HDAC9: variants seen among roughly 807,000 people sequenced by gnomAD.
HDAC9 encodes histone deacetylase 9.
Under a neutral mutation model 139.4 loss-of-function variants are expected in HDAC9, and 41 were observed. The ratio of observed to expected loss-of-function variants is 0.29; its 90% CI spans 0.23 to 0.38. The LOEUF is 0.38. HDAC9 is among the 10% of genes least tolerant of loss of function. The pLI is 1.00. For missense variants in HDAC9, 1,147 were observed against 1,297.0 expected, an observed-to-expected ratio of 0.88 and a Z score of 1.78; for synonymous variants, 517 against 476.2, an observed-to-expected ratio of 1.09 and a Z score of -1.12.
At chr7:18,620,921 A>G (rs1051436822) in intron 6 of HDAC9, among the ~76,000 whole-genome samples, 1 of 152,190 alleles carries the variant, frequency 6.6e-6, no homozygotes. Flanking sequence ...TTACATTGAT[A>G]GAAGGAAATA....
chr7:18,888,337 A>G (rs1290284613), intron 22 of HDAC9, among the ~76,000 whole-genome samples: 1 of 152,190 alleles, frequency 6.6e-6, no homozygotes, highest in Non-Finnish European at 1.5e-5. Context: ...AGGCAGGAAA[A>G]TGGCGTGAAC....
chr7:18,669,459 A>G (rs1795531766), intron 12 of HDAC9, among the ~76,000 whole-genome samples: 1 of 151,870 alleles, frequency 6.6e-6, no homozygotes, highest in Non-Finnish European at 1.5e-5. Context: ...ACTCTGCCGT[A>G]TTCTAAGTCA....
chr7:18,701,670 T>G (rs186903916), intron 12 of HDAC9, among the ~76,000 whole-genome samples: 1 of 152,328 alleles, frequency 6.6e-6, no homozygotes, highest in East Asian at 1.9e-4. Context: ...ATACAGAACT[T>G]TGAATAATTA....
chr7:18,685,028 T>A (rs1391893816), intron 12 of HDAC9, among the ~76,000 whole-genome samples: 1 of 152,044 alleles, frequency 6.6e-6, no homozygotes, highest in Admixed American at 6.6e-5. Context: ...CCTCCCACTT[T>A]TTTGTTGTTA....
intron 12 of HDAC9, chr7:18,668,165 T>A (rs1795345788): frequency 4.7e-6 from 4 of 850,818 alleles, no homozygotes; most frequent in Admixed American, 6.2e-5. Flanking sequence ...TTAAAAAGTC[T>A]CCATTCAAAT....
intron 2 of HDAC9, among the ~76,000 whole-genome samples, chr7:18,247,803 A>G (rs1171404059): frequency 2.0e-5 from 3 of 152,216 alleles, no homozygotes; most frequent in Non-Finnish European, 4.4e-5. Flanking sequence ...TGAGCAAGAT[A>G]AGGAGAGAAA....
At chr7:18,116,516 G>T (rs1417838035) in intron 1 of HDAC9, among the ~76,000 whole-genome samples, 2 of 152,068 alleles carry the variant, frequency 1.3e-5, no homozygotes, top group Admixed American at 6.5e-5. Flanking sequence ...ACAGCTATAT[G>T]AAATTATAGT....
At chr7:18,325,773 T>C (rs1800401538) in intron 1 of HDAC9, among the ~76,000 whole-genome samples, 1 of 152,142 alleles carries the variant, frequency 6.6e-6, no homozygotes, top group Admixed American at 6.6e-5. Context: ...TAATATCATG[T>C]TTTTAAAGTA....
intron 2 of HDAC9, among the ~76,000 whole-genome samples, chr7:18,504,349 A>T (rs1184732211): frequency 6.6e-6 from 1 of 152,174 alleles, no homozygotes; most frequent in African/African-American, 2.4e-5. Context: ...TCTGTCATCC[A>T]GGCAGGAGTG....
intron 24 of HDAC9, among the ~76,000 whole-genome samples, chr7:18,963,832 C>T (rs756368791): frequency 2.0e-5 from 3 of 152,180 alleles, no homozygotes; most frequent in Non-Finnish European, 2.9e-5. Flanking sequence ...TGTTGACTTG[C>T]ACACCTAAGG....
intron 2 of HDAC9, among the ~76,000 whole-genome samples, chr7:18,280,607 CAAAA>C (rs1318612933): frequency 2.1e-5 from 3 of 144,418 alleles, no homozygotes; most frequent in Non-Finnish European, 3.1e-5. Flanking sequence ...AAACAAAAAA[CAAAA>C]AAAATAGCTG....
intron 17 of HDAC9, among the ~76,000 whole-genome samples, chr7:18,813,883 G>T (rs1379812905): frequency 6.6e-6 from 1 of 152,172 alleles, no homozygotes; most frequent in Non-Finnish European, 1.5e-5. Context: ...TCAGCTAGTT[G>T]TCTGGTCTAT....
intron 2 of HDAC9, among the ~76,000 whole-genome samples, chr7:18,278,193 G>A (rs1361891797): frequency 6.6e-6 from 1 of 152,154 alleles, no homozygotes; most frequent in African/African-American, 2.4e-5. Context: ...TCAGTTGCAG[G>A]AAATTGGCCT....
chr7:18,469,696 C>T (rs1794580663), intron 1 of HDAC9, among the ~76,000 whole-genome samples: 2 of 152,142 alleles, frequency 1.3e-5, no homozygotes, highest in Non-Finnish European at 2.9e-5. Flanking sequence ...TGAGTCCCTA[C>T]TAAGTAGCAG....
At chr7:18,227,814 C>T (rs1412812660) in intron 2 of HDAC9, among the ~76,000 whole-genome samples, 1 of 152,084 alleles carries the variant, frequency 6.6e-6, no homozygotes, top group Non-Finnish European at 1.5e-5. Flanking sequence ...ATTTTGAGAA[C>T]TTTTGTTTGC....
chr7:18,735,486 T>C (rs1030995205), intron 13 of HDAC9, among the ~76,000 whole-genome samples: 1 of 152,206 alleles, frequency 6.6e-6, no homozygotes, highest in Non-Finnish European at 1.5e-5. Flanking sequence ...ATTTATTAAA[T>C]AGGGACTCCC....
At chr7:18,135,816 C>G (rs1785369787) in intron 1 of HDAC9, among the ~76,000 whole-genome samples, 1 of 146,686 alleles carries the variant, frequency 6.8e-6, no homozygotes, top group Non-Finnish European at 1.5e-5. Flanking sequence ...GGGTATATAC[C>G]CAGTAATGGG....
At chr7:18,876,193 A>G (rs1799308317) in intron 22 of HDAC9, among the ~76,000 whole-genome samples, 1 of 152,176 alleles carries the variant, frequency 6.6e-6, no homozygotes, top group Non-Finnish European at 1.5e-5. Context: ...TACCACTTCT[A>G]GGTTTAGTAG....
At chr7:18,275,170 A>G (rs1796636337) in intron 2 of HDAC9, among the ~76,000 whole-genome samples, 1 of 152,190 alleles carries the variant, frequency 6.6e-6, no homozygotes, top group African/African-American at 2.4e-5. Context: ...CAGGCCAGAA[A>G]TTTTTGAAAA....
Sources: gnomAD v4.1 joint callset for allele counts (sites outside exome capture counted in the v4.1 genomes callset) on GRCh38, gnomAD v4.1.1 for gene constraint, MANE v1.5 for transcripts, NCBI Gene and HGNC (gene_info 2026-07-23, HGNC 2026-07-21) for gene names.